Variants in SPIDR observed in about 807,000 individuals in gnomAD.
SPIDR encodes DNA repair-scaffolding protein.
Under a neutral mutation model 104.6 loss-of-function variants are expected in SPIDR, and 93 were observed. The ratio of observed to expected loss-of-function variants is 0.89; its 90% CI spans 0.75 to 1.06. The LOEUF (loss-of-function observed/expected upper bound fraction) is 1.06. Ranked by LOEUF, SPIDR falls within the 50% of genes least tolerant of loss-of-function variation. The pLI, the probability that SPIDR is intolerant of heterozygous loss-of-function variation, is 0.00. For synonymous variants in SPIDR, 431 were observed against 416.9 expected, an observed-to-expected ratio of 1.03 and a Z score of -0.41; for missense variants, 1,154 against 1,111.2, an observed-to-expected ratio of 1.04 and a Z score of -0.55.
intron 7 of SPIDR, among the ~76,000 whole-genome samples, chr8:47,421,019 C>G (rs549664574): frequency 1.3e-4 from 20 of 152,302 alleles, no homozygotes; most frequent in African/African-American, 4.8e-4. Flanking sequence ...GTAACCCCAC[C>G]TTTCTCTCTG....
At chr8:47,519,933 C>T (rs778852744) in intron 8 of SPIDR, among the ~76,000 whole-genome samples, 2 of 152,148 alleles carry the variant, frequency 1.3e-5, no homozygotes, top group Admixed American at 6.5e-5. Flanking sequence ...CCGAATTAGT[C>T]AATGAGCATA....
At chr8:47,654,141 T>C (rs1563435519) in intron 10 of SPIDR, 2 of 1,289,856 alleles carry the variant, frequency 1.6e-6, no homozygotes, top group Non-Finnish European at 2.0e-6. Flanking sequence ...CCCAAAGTTC[T>C]CTGGCCAGGT....
intron 1 of SPIDR, among the ~76,000 whole-genome samples, chr8:47,275,675 C>G (rs2036279354): frequency 6.6e-6 from 1 of 152,130 alleles, no homozygotes. Flanking sequence ...AATGTCTAAT[C>G]AGAAGACTCT....
intron 5 of SPIDR, among the ~76,000 whole-genome samples, chr8:47,340,641 C>T (rs781934387): frequency 2.6e-5 from 4 of 152,098 alleles, no homozygotes; most frequent in Non-Finnish European, 2.9e-5. Flanking sequence ...CCCCAAAAAT[C>T]CTTGGAGTGT....
intron 5 of SPIDR, among the ~76,000 whole-genome samples, chr8:47,335,773 A>G (rs2049586418): frequency 6.6e-6 from 1 of 152,178 alleles, no homozygotes; most frequent in African/African-American, 2.4e-5. Context: ...TAAACATTTC[A>G]GTCTACTCTT....
intron 8 of SPIDR, among the ~76,000 whole-genome samples, chr8:47,545,071 TTTTCTTTCTTTC>T (rs566816481): frequency 0.41 from 50,572 of 124,494 alleles, 11,537 homozygotes; most frequent in East Asian, 0.55. Flanking sequence ...TCTTTTTATC[TTTTCTTTCTTTC>T]TTTCTTTCTT....
At chr8:47,500,558 G>A (rs2080233232) in intron 8 of SPIDR, among the ~76,000 whole-genome samples, 1 of 152,036 alleles carries the variant, frequency 6.6e-6, no homozygotes, top group Non-Finnish European at 1.5e-5. Context: ...TTGTCAGATG[G>A]GTAGATTGCA....
rs763402363 is a variant in SPIDR at position 47,735,509 on chromosome 8, G to A, written c.*59G>A. The A allele has an allele frequency of 1.2e-6, 2 of 1,611,434 alleles. No individual in the cohort carries two copies. Among genetic ancestry groups the A allele is most frequent in the Non-Finnish European group, 1.7e-6 (2 of 1,178,772 alleles). ...GGCTGCAAGGGTGGTGGTGGTGGTGGTGATTTGGGGTAGTTATTTGTTAAC... is the reference window on the plus strand; with the variant it reads ...GGCTGCAAGGGTGGTGGTGGTGGTGATGATTTGGGGTAGTTATTTGTTAAC... On this transcript the variant is annotated 3_prime_UTR_variant, in exon 20 of 20. Transcript: ENST00000297423.
chr8:47,451,077 G>A (rs557489158), intron 8 of SPIDR, among the ~76,000 whole-genome samples: 17 of 152,192 alleles, frequency 1.1e-4, no homozygotes, highest in Middle Eastern at 3.4e-3. Flanking sequence ...CCATCCTTGA[G>A]GAAATTGAGA....
At chr8:47,274,190 C>T (rs2035904224) in intron 1 of SPIDR, among the ~76,000 whole-genome samples, 1 of 152,174 alleles carries the variant, frequency 6.6e-6, no homozygotes, top group South Asian at 2.1e-4. Context: ...CATGTTATAG[C>T]ACAGTATCTT....
intron 5 of SPIDR, among the ~76,000 whole-genome samples, chr8:47,330,087 T>G (rs2048395914): frequency 6.6e-6 from 1 of 152,214 alleles, no homozygotes; most frequent in Non-Finnish European, 1.5e-5. Context: ...CTTAAGAAAT[T>G]CTGTGTGTAT....
chr8:47,377,526 T>C (rs2058796500), intron 5 of SPIDR, among the ~76,000 whole-genome samples: 1 of 152,236 alleles, frequency 6.6e-6, no homozygotes, highest in South Asian at 2.1e-4. Flanking sequence ...CAATGAATTA[T>C]GGCAGTTCAT....
intron 8 of SPIDR, chr8:47,512,198 T>G: frequency 2.9e-6 from 1 of 343,874 alleles, no homozygotes; most frequent in Non-Finnish European, 5.5e-6. Context: ...TTCTAAAGCA[T>G]CCTTGAGTGG....
intron 5 of SPIDR, 196 bp downstream of exon 5, chr8:47,294,226 T>C: frequency 5.2e-6 from 3 of 577,668 alleles, no homozygotes; most frequent in Non-Finnish European, 8.3e-6. Context: ...TGGATAAATA[T>C]TGATCTCACT....
intron 8 of SPIDR, among the ~76,000 whole-genome samples, chr8:47,566,824 T>TGA (rs1413437021): frequency 2.0e-5 from 3 of 152,262 alleles, no homozygotes; most frequent in South Asian, 2.1e-4. Context: ...TGAATGGCCT[T>TGA]GAATATCACT....
intron 11 of SPIDR, among the ~76,000 whole-genome samples, chr8:47,680,082 C>T (rs1049001396): frequency 1.3e-5 from 2 of 152,180 alleles, no homozygotes; most frequent in African/African-American, 4.8e-5. Context: ...GTGACAACCA[C>T]GCTAGCCATG....
At chr8:47,472,818 A>G (rs11989844) in intron 8 of SPIDR, among the ~76,000 whole-genome samples, 8,340 of 152,330 alleles carry the variant, frequency 0.055, 660 homozygotes, top group African/African-American at 0.17. Flanking sequence ...ATGGTTAAAT[A>G]TTAAACATTA....
intron 8 of SPIDR, among the ~76,000 whole-genome samples, chr8:47,553,236 T>G (rs1843760985): frequency 6.6e-6 from 1 of 152,156 alleles, no homozygotes; most frequent in Admixed American, 6.6e-5. Flanking sequence ...GACAATTATG[T>G]GTCTTGGGGT....
intron 8 of SPIDR, among the ~76,000 whole-genome samples, chr8:47,514,872 A>G (rs758309697): frequency 6.6e-6 from 1 of 152,204 alleles, no homozygotes; most frequent in African/African-American, 2.4e-5. Context: ...GTAAAAGGCT[A>G]TGCTTTTCAA....
Sources: gnomAD v4.1 joint callset for allele counts (sites outside exome capture counted in the v4.1 genomes callset) on GRCh38, gnomAD v4.1.1 for gene constraint, MANE v1.5 for transcripts, NCBI Gene and HGNC (gene_info 2026-07-23, HGNC 2026-07-21) for gene names.